Variants in AFF2 observed in about 807,000 individuals in gnomAD.
AFF2 encodes ALF transcription elongation factor 2, also known as AF4/FMR2 family member 2.
AFF2 carries 14 observed loss-of-function variants against 76.9 expected under a neutral mutation model. That is an observed-to-expected ratio of 0.18 (90% CI 0.12 to 0.28). The LOEUF (loss-of-function observed/expected upper bound fraction) is 0.28. Ranked by LOEUF, AFF2 falls within the 10% of genes least tolerant of loss-of-function variation. The pLI, the probability that AFF2 is intolerant of heterozygous loss-of-function variation, is 1.00. For missense variants in AFF2, 868 were observed against 1,001.1 expected, an observed-to-expected ratio of 0.87 and a Z score of 1.79; for synonymous variants, 398 against 366.7, an observed-to-expected ratio of 1.09 and a Z score of -0.98.
intron 7 of AFF2, among the ~76,000 whole-genome samples, chrX:148,881,408 G>A (rs782119618): frequency 4.5e-5 from 5 of 111,262 alleles, no homozygotes; most frequent in Non-Finnish European, 9.4e-5. Context: ...GGATCAGCAG[G>A]TAGCTTCCCA....
At chrX:148,717,653 C>T (rs2055041058) in intron 3 of AFF2, among the ~76,000 whole-genome samples, 1 of 111,761 alleles carries the variant, frequency 8.9e-6, no homozygotes, top group Admixed American at 9.5e-5. Flanking sequence ...TATCACTGAA[C>T]AGGTGCCATC....
rs782667699 is a variant in AFF2 at position 148,720,878 on chromosome X, A to G, written c.1041+58110A>G. On this transcript the variant is annotated intron_variant, in intron 3 of 20. Coordinates refer to ENST00000370460, the MANE Select transcript of AFF2 (RefSeq NM_002025.4). ...AATCATTCTTTTCTAAGTGTTTTCA[A>G]ATATACTCAGAAGGATAAAACAGAT... Among the ~76,000 whole-genome samples the G allele has an allele frequency of 2.7e-5, 3 of 111,816 alleles. No homozygotes were observed. In the South Asian group the frequency reaches 1.1e-3, roughly 42 times the overall value.
At chrX:148,837,766 T>C in intron 5 of AFF2, 33 bp downstream of exon 5, 4 of 1,026,315 alleles carry the variant, frequency 3.9e-6, no homozygotes, top group Non-Finnish European at 5.4e-6. Flanking sequence ...TTTTTGTTTG[T>C]CTTATTTTAA....
intron 3 of AFF2, among the ~76,000 whole-genome samples, chrX:148,716,187 C>A (rs1169401539): frequency 1.8e-5 from 2 of 111,501 alleles, no homozygotes; most frequent in Non-Finnish European, 3.8e-5. Flanking sequence ...TAACTCAATC[C>A]TTTGACCAGC....
chrX:148,840,955 T>C (rs905513934), intron 5 of AFF2, among the ~76,000 whole-genome samples: 1 of 112,434 alleles, frequency 8.9e-6, no homozygotes, highest in Non-Finnish European at 1.9e-5. Flanking sequence ...TGAAATTCAG[T>C]TTAACATTAA....
chrX:148,850,166 A>G (rs1255503743), intron 7 of AFF2, among the ~76,000 whole-genome samples: 1 of 111,344 alleles, frequency 9.0e-6, no homozygotes, highest in Admixed American at 9.5e-5. Flanking sequence ...TAAAATTCAT[A>G]TAAGATTGAT....
chrX:148,656,754 C>T (rs2054257961), intron 2 of AFF2, among the ~76,000 whole-genome samples: 1 of 110,416 alleles, frequency 9.1e-6, no homozygotes. Flanking sequence ...CCCGCCTCGG[C>T]CTCCCAAAGT....
chrX:148,935,396 T>TACACACACACAC (rs3831670), intron 9 of AFF2, among the ~76,000 whole-genome samples: 1 of 102,497 alleles, frequency 9.8e-6, no homozygotes, highest in African/African-American at 3.5e-5. Context: ...CATTTGAAAC[T>TACACACACACAC]ACACACACAC....
chrX:148,692,958 G>A (rs2054668256), intron 3 of AFF2, among the ~76,000 whole-genome samples: 1 of 110,644 alleles, frequency 9.0e-6, no homozygotes, highest in South Asian at 3.9e-4. Context: ...TCGCTCTGTC[G>A]CCCAGGCTGG....
At chrX:148,554,845 A>G (rs2053034281) in intron 1 of AFF2, among the ~76,000 whole-genome samples, 1 of 112,350 alleles carries the variant, frequency 8.9e-6, no homozygotes, top group Non-Finnish European at 1.9e-5. Flanking sequence ...TGTGTGTTGA[A>G]TGGCTGGATG....
intron 3 of AFF2, among the ~76,000 whole-genome samples, chrX:148,752,524 A>T (rs1557266558): frequency 8.9e-6 from 1 of 112,153 alleles, no homozygotes; most frequent in Non-Finnish European, 1.9e-5. Context: ...AATTTTTTAA[A>T]AAATGAATTT....
intron 7 of AFF2, among the ~76,000 whole-genome samples, chrX:148,868,782 C>T (rs2070937637): frequency 8.9e-6 from 1 of 112,240 alleles, no homozygotes; most frequent in South Asian, 3.7e-4. Context: ...CAAGATAATG[C>T]CTTGTTGCTG....
intron 9 of AFF2, among the ~76,000 whole-genome samples, chrX:148,942,492 G>T (rs2071848398): frequency 9.0e-6 from 1 of 111,486 alleles, no homozygotes; most frequent in African/African-American, 3.3e-5. Context: ...TAGTTCACCA[G>T]GGAATGAGGT....
At chrX:148,520,984 C>G (rs1204732847) in intron 1 of AFF2, among the ~76,000 whole-genome samples, 4 of 112,046 alleles carry the variant, frequency 3.6e-5, no homozygotes, top group Non-Finnish European at 7.5e-5. Flanking sequence ...GTGTGGAAGT[C>G]AAACAGTTTA....
At chrX:148,578,898 C>A (rs1408573773) in intron 1 of AFF2, among the ~76,000 whole-genome samples, 1 of 111,684 alleles carries the variant, frequency 9.0e-6, no homozygotes. Context: ...CACCCCTCCC[C>A]AGTGAAAATA....
rs995617356 is a variant in AFF2, at chrX:148,920,324, A to T, written c.1397+16066A>T. On this transcript the variant is annotated intron_variant, in intron 9 of 20. Transcript: ENST00000370460. ...CCATCATGTTAGTTTATCCTGACAT[A>T]CTATTCCAATTCTTTCCTTTGTGGG... Among the ~76,000 whole-genome samples the T allele has an allele frequency of 2.5e-4, 28 of 111,880 alleles. No homozygotes were observed. The Admixed American group carries it at 2.7e-3, about 11-fold the overall frequency.
At chrX:148,587,416 G>C (rs2124366196) in intron 1 of AFF2, among the ~76,000 whole-genome samples, 1 of 112,217 alleles carries the variant, frequency 8.9e-6, no homozygotes, top group African/African-American at 3.2e-5. Flanking sequence ...CAAAGTGCCT[G>C]TGACTGGCTC....
At chrX:148,971,919 C>T (rs1276608958) in intron 15 of AFF2, among the ~76,000 whole-genome samples, 1 of 29,906 alleles carries the variant, frequency 3.3e-5, no homozygotes, top group Non-Finnish European at 5.6e-5. Context: ...GCTATCCCTC[C>T]CCCCTCCCCC....
At chrX:148,527,722 A>G (rs955125717) in intron 1 of AFF2, among the ~76,000 whole-genome samples, 1 of 110,418 alleles carries the variant, frequency 9.1e-6, no homozygotes, top group Non-Finnish European at 1.9e-5. Context: ...AAAATGTTTC[A>G]AAAAAACAAA....
Sources: gnomAD v4.1 joint callset for allele counts (sites outside exome capture counted in the v4.1 genomes callset) on GRCh38, gnomAD v4.1.1 for gene constraint, MANE v1.5 for transcripts, NCBI Gene and HGNC (gene_info 2026-07-23, HGNC 2026-07-21) for gene names.